ALS2: variants seen among roughly 807,000 people sequenced by gnomAD.
The protein encoded by ALS2 is alsin Rho guanine nucleotide exchange factor ALS2, also known as alsin.
In ALS2, 117 loss-of-function variants were observed where a neutral mutation model predicts 203.4. The ratio of observed to expected loss-of-function variants is 0.58; its 90% CI spans 0.50 to 0.67. ALS2 has a LOEUF of 0.67. Among genes scored for constraint, ALS2 ranks in the 30% least tolerant of loss-of-function variants. The probability of loss-of-function intolerance (pLI) is 0.00; values close to 1 mark genes in which losing one functional copy is unlikely to be tolerated. For synonymous variants in ALS2, 718 were observed against 725.9 expected (o/e 0.99, Z 0.17); for missense variants, 1,715 against 1,989.4 (o/e 0.86, Z 2.62).
rs1380894802 is a variant in ALS2, at chr2:201,754,590, T to A, written c.1553A>T (p.Asp518Val). ...TGTTCTCAGAGAAGGCAGGAGCGCA[T>A]CTGCTTCTCCACTGTATGTGGGGGT... is the stretch of plus-strand genomic sequence containing the variant. ...VLTPTYSGEA[D>V]ALLPSLRTEV... Residue 518 changes from aspartate (D) to valine (V), a missense_variant, in exon 6 of 34, where the codon GAT (aspartate) becomes GTT (valine). Around this residue, in one of 3 missense-constraint regions of ALS2, gnomAD observed 1,227 missense variants for 1,413.5 expected, o/e 0.87. Coordinates refer to ENST00000264276, the MANE Select transcript of ALS2 (RefSeq NM_020919.4). 6.2e-7 allele frequency: 1 copy of A among 1,614,022 alleles called. No individual in the cohort carries two copies. The highest frequency in any genetic ancestry group is 1.7e-5 in the Admixed American group (1 of 60,002).
intron 24 of ALS2, among the ~76,000 whole-genome samples, chr2:201,717,012 G>A (rs868821235): frequency 6.6e-6 from 1 of 152,148 alleles, no homozygotes; most frequent in Non-Finnish European, 1.5e-5. Context: ...GAGATGGTGG[G>A]AGAACAGAAA....
At chr2:201,769,573 C>G (rs1020117307) in intron 1 of ALS2, among the ~76,000 whole-genome samples, 2 of 152,060 alleles carry the variant, frequency 1.3e-5, no homozygotes, top group African/African-American at 2.4e-5. Context: ...TAAAATCCAC[C>G]TTTAATAGAA....
intron 4 of ALS2, chr2:201,759,832 T>C (rs999639467): frequency 1.0e-6 from 1 of 985,036 alleles, no homozygotes; most frequent in Admixed American, 6.1e-5. Flanking sequence ...AGATCTTTTA[T>C]GAGTATGATC....
chr2:201,731,131 T>C (rs1296584611), intron 13 of ALS2, among the ~76,000 whole-genome samples: 2 of 152,194 alleles, frequency 1.3e-5, no homozygotes, highest in African/African-American at 2.4e-5. Context: ...TTATGAGTAA[T>C]TACTTTACTT....
chr2:201,777,527 CT>C (rs1264601340), intron 1 of ALS2, among the ~76,000 whole-genome samples: 1 of 152,094 alleles, frequency 6.6e-6, no homozygotes, highest in Admixed American at 6.5e-5. Flanking sequence ...ATACATAAAA[CT>C]GTAAAAATAA....
chr2:201,754,426 T>G, intron 6 of ALS2, 77 bp downstream of exon 6: 999 of 1,552,366 alleles, frequency 6.4e-4, no homozygotes, highest in Non-Finnish European at 8.2e-4. Flanking sequence ...ATGAGGAAAG[T>G]GAGATTTAGA....
chr2:201,737,748 C>T lies in ALS2; in HGVS notation c.2417+922G>A, dbSNP rs371099282. Among the ~76,000 whole-genome samples the T allele has an allele frequency of 5.3e-5, 8 of 152,064 alleles. No homozygotes were observed. In the East Asian group the frequency reaches 1.4e-3, roughly 26 times the overall value. ...ACCAGCTTGGTCAACATGGTGAAAC[C>T]CCATCTCTACTAAAAGTACAAAAAT... On this transcript the variant is annotated intron_variant, in intron 12 of 33. Coordinates refer to ENST00000264276, the MANE Select transcript of ALS2 (RefSeq NM_020919.4).
At chr2:201,709,844 T>C in intron 27 of ALS2, 37 bp downstream of exon 27, 1 of 1,613,044 alleles carries the variant, frequency 6.2e-7, no homozygotes, top group Non-Finnish European at 8.5e-7. Flanking sequence ...AAAATAGTAT[T>C]CCATAGCCCG....
At chr2:201,762,514 T>C (rs1238787826) in intron 3 of ALS2, among the ~76,000 whole-genome samples, 3 of 152,222 alleles carry the variant, frequency 2.0e-5, no homozygotes, top group African/African-American at 7.2e-5. Context: ...ATTTGCCTTA[T>C]GCTTACTGAC....
Position 201,718,224 on chromosome 2 carries a change from G to C in ALS2, c.3703-14C>G, listed in dbSNP as rs766402231. The C allele has an allele frequency of 2.5e-6, 4 of 1,609,352 alleles. No individual in the cohort carries two copies. The highest frequency in any genetic ancestry group is 3.4e-6 in the Non-Finnish European group (4 of 1,175,994). ...AGTCAGTGTTCCCTAGGTAAAGTCA[G>C]AGAATAAAATGTGGGGTTAGAGGAA... On this transcript the variant is annotated splice_polypyrimidine_tract_variant and intron_variant, in intron 23 of 33. Transcript: ENST00000264276.
chr2:201,729,261 C>T, intron 13 of ALS2, 78 bp from the exon 14 acceptor site: 1 of 1,486,466 alleles, frequency 6.7e-7, no homozygotes, highest in African/African-American at 1.4e-5. Context: ...CTCAGTCTGC[C>T]TTAGACATAT....
intron 15 of ALS2, 32 bp downstream of exon 15, chr2:201,728,480 G>T (rs761676698): frequency 3.7e-6 from 6 of 1,613,414 alleles, no homozygotes; most frequent in Non-Finnish European, 5.1e-6. Context: ...CCACCTTTCA[G>T]GAATTCTTTT....
At chr2:201,724,151 G>A (rs1022554784) in intron 21 of ALS2, 144 bp downstream of exon 21, 1 of 823,934 alleles carries the variant, frequency 1.2e-6, no homozygotes, top group African/African-American at 1.7e-5. Flanking sequence ...TGTCATAAAA[G>A]AAGGTTCATT....
In ALS2 at chr2:201,767,290, C is replaced by G; in HGVS notation, c.114G>C (p.Trp38Cys). 6.2e-7 allele frequency: 1 copy of G among 1,614,062 alleles called. No individual in the cohort carries two copies. Among genetic ancestry groups the G allele is most frequent in the Non-Finnish European group, 8.5e-7 (1 of 1,180,022 alleles). ...FPITPERLPGWGGKTVLQAAL... is the reference protein window; with the variant it reads ...FPITPERLPGCGGKTVLQAAL... ...CTGCCTGCAAAACAGTCTTTCCTCC[C>G]CAGCCTGGCAATCTCTCTGGTGTTA... Residue 38 changes from tryptophan (W) to cysteine (C), a missense_variant, in exon 3 of 34, where the codon TGG becomes TGC. This residue lies in a region of ALS2 where 476 missense variants were observed against 539.3 expected (regional missense o/e 0.88). Coordinates refer to ENST00000264276, the MANE Select transcript of ALS2 (RefSeq NM_020919.4).
chr2:201,744,100 A>G (rs1463304797), intron 10 of ALS2, among the ~76,000 whole-genome samples, 158 bp downstream of exon 10: 1 of 152,204 alleles, frequency 6.6e-6, no homozygotes, highest in Non-Finnish European at 1.5e-5. Context: ...CAAATTGGAA[A>G]CAGTTTGTAA....
chr2:201,776,919 T>C (rs1249021785), intron 1 of ALS2, among the ~76,000 whole-genome samples: 3 of 152,224 alleles, frequency 2.0e-5, no homozygotes, highest in Non-Finnish European at 4.4e-5. Flanking sequence ...CTAAACGTAT[T>C]ATTCATTAGT....
chr2:201,765,752 C>T (rs1277320455), intron 3 of ALS2: 2 of 166,960 alleles, frequency 1.2e-5, no homozygotes, highest in Non-Finnish European at 2.9e-5. Context: ...TTAAAGGTAC[C>T]TCTATAAATT....
chr2:201,753,095 T>C (rs775741663), intron 7 of ALS2, 51 bp downstream of exon 7: 6 of 1,415,428 alleles, frequency 4.2e-6, no homozygotes, highest in African/African-American at 2.8e-5. Context: ...AACAATGTCA[T>C]GTTGGCCTTC....
chr2:201,757,748 T>C lies in ALS2; in HGVS notation c.1125A>G (p.Glu375=). Residue 375 remains glutamate (E), a synonymous_variant, in exon 5 of 34, where the codon GAA becomes GAG. Transcript: ENST00000264276. ...EKPVPSQPLL[E]EAIPNLHSPP... is the part of the protein sequence containing the mutation. ...GGCTGTGGAGATTAGGAATTGCTTC[T>C]TCTAAAAGAGGCTAAAATATACACA... 1 of 1,609,710 alleles carries C rather than the reference T, an allele frequency of 6.2e-7. No individual in the cohort carries two copies. The highest frequency in any genetic ancestry group is 2.2e-5 in the East Asian group (1 of 44,884).
Sources: gnomAD v4.1 joint callset for allele counts (sites outside exome capture counted in the v4.1 genomes callset) on GRCh38, gnomAD v4.1.1 for gene constraint, gnomAD v4.1.1 regional missense constraint, MANE v1.5 for transcripts, NCBI Gene and HGNC (gene_info 2026-07-23, HGNC 2026-07-21) for gene names.